The following DMD variants were observed in gnomAD, a reference collection of about 807,000 sequenced individuals.
DMD encodes the protein mutant dystrophin.
Under a neutral mutation model 330.1 loss-of-function variants are expected in DMD, and 63 were observed. That is an observed-to-expected ratio of 0.19 (90% confidence interval 0.16 to 0.24). The LOEUF is 0.24. Among genes scored for constraint, DMD ranks in the 10% least tolerant of loss-of-function variants. The pLI is 1.00. For missense variants in DMD, 3,344 were observed against 2,684.1 expected (o/e 1.25, Z -5.43); for synonymous variants, 1,223 against 959.8 (o/e 1.27, Z -5.07).
intron 55 of DMD, among the ~76,000 whole-genome samples, chrX:31,624,548 A>C (rs941192148): frequency 8.9e-6 from 1 of 112,252 alleles, no homozygotes; most frequent in Admixed American, 9.4e-5. Context: ...ACGGATTGAC[A>C]GTCTTAGAGA....
chrX:33,276,622 T>A (rs1371954503), intron 1 of DMD, among the ~76,000 whole-genome samples: 1 of 112,023 alleles, frequency 8.9e-6, no homozygotes, highest in Non-Finnish European at 1.9e-5. Flanking sequence ...ACTGGTATTG[T>A]AAGTAAAAAA....
At chrX:32,914,587 G>A (rs376517525) in intron 2 of DMD, among the ~76,000 whole-genome samples, 1 of 112,185 alleles carries the variant, frequency 8.9e-6, no homozygotes. Context: ...TTTGCAAAAG[G>A]AAACATGAGG....
chrX:32,640,246 T>G (rs1010903529), intron 11 of DMD, among the ~76,000 whole-genome samples: 2 of 108,439 alleles, frequency 1.8e-5, no homozygotes, highest in Admixed American at 2.0e-4. Flanking sequence ...TAATTTTGCA[T>G]TCACAAACTA....
chrX:32,358,470 AT>A (rs1040856183), intron 37 of DMD, among the ~76,000 whole-genome samples: 1 of 111,418 alleles, frequency 9.0e-6, no homozygotes, highest in Non-Finnish European at 1.9e-5. Context: ...GACTGTTGCA[AT>A]TCTGATCCTC....
intron 1 of DMD, among the ~76,000 whole-genome samples, chrX:33,332,681 C>T (rs772924256): frequency 3.6e-5 from 4 of 111,051 alleles, no homozygotes; most frequent in Non-Finnish European, 7.6e-5. Context: ...TGTGATGTGT[C>T]CCTATTTGCT....
intron 17 of DMD, among the ~76,000 whole-genome samples, chrX:32,542,326 G>A (rs2048561394): frequency 1.8e-5 from 2 of 111,593 alleles, no homozygotes; most frequent in Admixed American, 9.5e-5. Context: ...CCAGCTACTC[G>A]GGAGGTTGAG....
intron 7 of DMD, among the ~76,000 whole-genome samples, chrX:32,719,430 G>T (rs1481730232): frequency 9.0e-6 from 1 of 111,489 alleles, no homozygotes; most frequent in African/African-American, 3.3e-5. Context: ...TGAAGTAGAT[G>T]AAATTTTCAG....
chrX:32,563,376 A>AC (rs1186973727), intron 16 of DMD, among the ~76,000 whole-genome samples: 11 of 105,792 alleles, frequency 1.0e-4, no homozygotes, highest in African/African-American at 3.8e-4. Context: ...CAGATAGAGA[A>AC]CCACAAAAAG....
chrX:33,222,082 C>A (rs1812163904), intron 1 of DMD, among the ~76,000 whole-genome samples: 1 of 111,492 alleles, frequency 9.0e-6, no homozygotes, highest in Non-Finnish European at 1.9e-5. Flanking sequence ...TAGCCTGATA[C>A]CCAAACCAGA....
chrX:32,032,530 G>A (rs1019907387), intron 44 of DMD, among the ~76,000 whole-genome samples: 3 of 111,778 alleles, frequency 2.7e-5, no homozygotes, highest in Non-Finnish European at 5.6e-5. Flanking sequence ...GGGAAAAGAA[G>A]CACATGGAAA....
At chrX:31,563,830 C>A (rs975205812) in intron 55 of DMD, among the ~76,000 whole-genome samples, 1 of 112,036 alleles carries the variant, frequency 8.9e-6, no homozygotes, top group Non-Finnish European at 1.9e-5. Context: ...CGGTTAAGTT[C>A]TTTGCTATGG....
At chrX:31,784,380 C>T (rs1185765725) in intron 50 of DMD, among the ~76,000 whole-genome samples, 2 of 111,915 alleles carry the variant, frequency 1.8e-5, no homozygotes, top group South Asian at 3.7e-4. Flanking sequence ...AACTGAAACA[C>T]TTCTGCATTG....
chrX:33,286,444 T>A (rs755236001), intron 1 of DMD, among the ~76,000 whole-genome samples: 6 of 112,087 alleles, frequency 5.4e-5, no homozygotes, highest in African/African-American at 1.9e-4. Flanking sequence ...CCTAATTTAT[T>A]GTGCATAATC....
At chrX:33,326,816 C>A (rs1044063227) in intron 1 of DMD, among the ~76,000 whole-genome samples, 1 of 110,727 alleles carries the variant, frequency 9.0e-6, no homozygotes, top group Non-Finnish European at 1.9e-5. Flanking sequence ...TCAGTGTATT[C>A]GAAGTCAGAT....
chrX:32,506,875 C>A (rs1018058116), intron 18 of DMD, among the ~76,000 whole-genome samples: 2 of 111,471 alleles, frequency 1.8e-5, no homozygotes, highest in African/African-American at 6.5e-5. Context: ...GTTGGTTGAA[C>A]TGAAAAGTCC....
chrX:33,064,375 T>C (rs2094620798), intron 1 of DMD, among the ~76,000 whole-genome samples: 1 of 111,524 alleles, frequency 9.0e-6, no homozygotes, highest in Admixed American at 9.6e-5. Context: ...AATGAAATCC[T>C]TTAATTGTTA....
rs1262988050 is a variant in DMD at position 31,121,125 on chromosome X, ATTTC to A, written c.*790_*793del. The A allele has an allele frequency of 1.8e-5, 2 of 111,870 alleles. No homozygotes were observed. The highest frequency in any genetic ancestry group is 9.6e-5 in the Admixed American group (1 of 10,432). The allele number at this position is 111,870 out of a possible 1,213,427, so 9.2% of individuals were successfully genotyped here. Reference sequence around the variant, plus strand: ...AAGCCTGGATGACTGACTAGAAGTAATTTCTTTCTATTAGGATGTGACATGAACA... The same window carrying A: ...AAGCCTGGATGACTGACTAGAAGTAATTTCTATTAGGATGTGACATGAACA... On this transcript the variant is annotated 3_prime_UTR_variant, in exon 79 of 79. Coordinates refer to ENST00000357033, the MANE Select transcript of DMD (RefSeq NM_004006.3).
At chrX:31,676,954 T>G (rs948313455) in intron 53 of DMD, among the ~76,000 whole-genome samples, 1 of 111,774 alleles carries the variant, frequency 8.9e-6, no homozygotes, top group Non-Finnish European at 1.9e-5. Flanking sequence ...ACATTGAATC[T>G]GCAGCAATAC....
chrX:31,391,912 A>T (rs1465433432), intron 60 of DMD, among the ~76,000 whole-genome samples: 1 of 111,278 alleles, frequency 9.0e-6, no homozygotes, highest in Non-Finnish European at 1.9e-5. Flanking sequence ...ACGGCCACAC[A>T]TTTAGTAGGA....
Sources: gnomAD v4.1 joint callset for allele counts (sites outside exome capture counted in the v4.1 genomes callset) on GRCh38, gnomAD v4.1.1 for gene constraint, MANE v1.5 for transcripts, NCBI Gene and HGNC (gene_info 2026-07-23, HGNC 2026-07-21) for gene names.